NEBL: variants seen among roughly 807,000 people sequenced by gnomAD.
NEBL encodes the protein LIM and SH3 protein 2.
In NEBL, 122 loss-of-function variants were observed where a neutral mutation model predicts 140.2. The ratio of observed to expected loss-of-function variants is 0.87; its 90% CI spans 0.75 to 1.01. NEBL has a LOEUF of 1.01. Among genes scored for constraint, NEBL ranks in the 50% least tolerant of loss-of-function variants. NEBL has a pLI of 0.00. For missense variants in NEBL, 1,365 were observed against 1,231.3 expected (o/e 1.11, Z -1.62); for synonymous variants, 436 against 398.9 (o/e 1.09, Z -1.11).
chr10:20,849,932 T>A (rs2131047413), intron 11 of NEBL, among the ~76,000 whole-genome samples: 1 of 152,206 alleles, frequency 6.6e-6, no homozygotes, highest in South Asian at 2.1e-4. Flanking sequence ...TGAGCTGACA[T>A]ATATAAGACT....
intron 3 of NEBL, among the ~76,000 whole-genome samples, chr10:20,976,256 G>A (rs765493442): frequency 5.3e-5 from 8 of 150,910 alleles, no homozygotes; most frequent in African/African-American, 1.7e-4. Flanking sequence ...CAGGAGAATC[G>A]TTTGCACCCA....
At chr10:21,001,346 GGAATCAGA>G (rs1377194797) in intron 3 of NEBL, among the ~76,000 whole-genome samples, 9 of 152,118 alleles carry the variant, frequency 5.9e-5, no homozygotes, top group Non-Finnish European at 1.5e-5. Flanking sequence ...GTAGCAGCTG[GGAATCAGA>G]GAATCCAGGG....
intron 10 of NEBL, among the ~76,000 whole-genome samples, chr10:20,851,597 A>C (rs917765061): frequency 6.6e-6 from 1 of 151,236 alleles, no homozygotes; most frequent in African/African-American, 2.4e-5. Context: ...AATATAGTGA[A>C]ACCCCGTCTT....
chr10:21,029,129 C>G, intron 2 of NEBL: 1 of 1,291,366 alleles, frequency 7.7e-7, no homozygotes, highest in Non-Finnish European at 1.1e-6. Flanking sequence ...GCTGATGCAA[C>G]AGATGACCTG....
chr10:21,106,184 T>C (rs938048653), intron 2 of NEBL, among the ~76,000 whole-genome samples: 12 of 152,220 alleles, frequency 7.9e-5, no homozygotes, highest in Non-Finnish European at 1.3e-4. Context: ...AGAAGATCTT[T>C]AGTTTAATTA....
At chr10:20,876,685 T>G (rs977563737) in intron 5 of NEBL, among the ~76,000 whole-genome samples, 1 of 152,176 alleles carries the variant, frequency 6.6e-6, no homozygotes, top group Non-Finnish European at 1.5e-5. Flanking sequence ...CCACTCCAAT[T>G]TCATCACAAG....
At chr10:20,811,651 G>C (rs1017146311) in intron 24 of NEBL, among the ~76,000 whole-genome samples, 1 of 152,102 alleles carries the variant, frequency 6.6e-6, no homozygotes, top group African/African-American at 2.4e-5. Context: ...TCTGACTTTA[G>C]CACCCTGGTT....
intron 2 of NEBL, among the ~76,000 whole-genome samples, chr10:21,157,734 T>C (rs975485934): frequency 6.6e-6 from 1 of 152,010 alleles, no homozygotes; most frequent in Non-Finnish European, 1.5e-5. Context: ...TGTATTGGAG[T>C]CCAAAAAGTG....
rs574700237 is a variant in NEBL at position 20,911,206 on chromosome 10, ACTGCAGTAAG to A, written c.357+50456_357+50465del. Among the ~76,000 whole-genome samples the A allele has an allele frequency of 9.2e-5, 14 of 152,276 alleles. No individual in the cohort carries two copies. In the South Asian group the frequency reaches 2.9e-3, roughly 32 times the overall value. ...TATAAAGAGTAAGCAAAGAGTAAGC[ACTGCAGTAAG>A]TCCTTTACACATCTTATCTCATAAA... On this transcript the variant is annotated intron_variant, in intron 4 of 6. Transcript: ENST00000417816.
At chr10:21,086,303 A>T (rs146293964) in intron 2 of NEBL, among the ~76,000 whole-genome samples, 1 of 152,358 alleles carries the variant, frequency 6.6e-6, no homozygotes, top group African/African-American at 2.4e-5. Flanking sequence ...TCAATGACAT[A>T]ACAGATTTCT....
chr10:21,250,304 G>A (rs556009084), intron 2 of NEBL, among the ~76,000 whole-genome samples: 8 of 152,086 alleles, frequency 5.3e-5, no homozygotes, highest in Admixed American at 4.6e-4. Flanking sequence ...AACATAAAAA[G>A]GCTAGATTGG....
intron 2 of NEBL, among the ~76,000 whole-genome samples, chr10:21,031,334 C>T (rs1307027645): frequency 2.0e-5 from 3 of 152,094 alleles, no homozygotes; most frequent in Admixed American, 2.0e-4. Flanking sequence ...CCAAGGAATC[C>T]CATGCTCAAA....
chr10:21,286,940 G>A (rs372472167), intron 1 of NEBL, among the ~76,000 whole-genome samples: 9 of 152,228 alleles, frequency 5.9e-5, no homozygotes, highest in Admixed American at 2.6e-4. Context: ...TGGCAGTAGC[G>A]ACAAGTGTGA....
chr10:20,924,029 C>T (rs943090581), intron 4 of NEBL, among the ~76,000 whole-genome samples: 5 of 152,018 alleles, frequency 3.3e-5, no homozygotes, highest in Non-Finnish European at 7.4e-5. Flanking sequence ...CATCTAGGTC[C>T]CCAGGATTTG....
intron 16 of NEBL, among the ~76,000 whole-genome samples, chr10:20,828,851 C>T (rs907735168): frequency 9.2e-5 from 14 of 152,000 alleles, no homozygotes; most frequent in East Asian, 1.9e-4. Context: ...TCTAGATTTA[C>T]GCTTTGCTTC....
At chr10:20,942,315 C>A (rs1411109682) in intron 4 of NEBL, among the ~76,000 whole-genome samples, 2 of 152,096 alleles carry the variant, frequency 1.3e-5, no homozygotes, top group East Asian at 3.9e-4. Context: ...CTTTGACAAA[C>A]CTGACAAAAA....
chr10:21,031,400 G>T (rs777308577), intron 2 of NEBL, among the ~76,000 whole-genome samples: 1 of 152,152 alleles, frequency 6.6e-6, no homozygotes, highest in Non-Finnish European at 1.5e-5. Context: ...CCAGAGGACC[G>T]CAGGACAAAA....
intron 2 of NEBL, among the ~76,000 whole-genome samples, chr10:21,071,032 G>T (rs1050284453): frequency 1.3e-5 from 2 of 151,754 alleles, no homozygotes; most frequent in Admixed American, 6.6e-5. Flanking sequence ...AAGGAGCCAG[G>T]TGTGGTGGCG....
chr10:21,274,302 A>T (rs2132291980), intron 1 of NEBL, among the ~76,000 whole-genome samples: 1 of 152,342 alleles, frequency 6.6e-6, no homozygotes, highest in Admixed American at 6.5e-5. Context: ...ATAACTTTTG[A>T]CTTCCCAAAA....
Sources: gnomAD v4.1 joint callset for allele counts (sites outside exome capture counted in the v4.1 genomes callset) on GRCh38, gnomAD v4.1.1 for gene constraint, MANE v1.5 for transcripts, NCBI Gene and HGNC (gene_info 2026-07-23, HGNC 2026-07-21) for gene names.